Variants in HSPG2 observed in about 807,000 individuals in gnomAD.
HSPG2 encodes the protein heparan sulfate proteoglycan 2.
In HSPG2, 278 loss-of-function variants were observed where a neutral mutation model predicts 526.6. The observed-to-expected ratio is 0.53, with a 90% confidence interval of 0.48 to 0.58. The LOEUF (loss-of-function observed/expected upper bound fraction) is 0.58, where lower values mean the gene tolerates loss of function less well. HSPG2 is among the 20% of genes least tolerant of loss of function. HSPG2 has a pLI of 0.00. For synonymous variants in HSPG2, 2,465 were observed against 2,555.4 expected (o/e 0.96, Z 1.07); for missense variants, 5,354 against 6,099.5 (o/e 0.88, Z 4.07).
chr1:21,863,143 C>T (rs1270741773), intron 37 of HSPG2, among the ~76,000 whole-genome samples: 10 of 144,368 alleles, frequency 6.9e-5, no homozygotes, highest in Admixed American at 7.0e-5. Context: ...GAGGCCAAGG[C>T]GGGTGGATCA....
chr1:21,901,555 C>G (rs912123747), intron 1 of HSPG2, among the ~76,000 whole-genome samples: 2 of 152,188 alleles, frequency 1.3e-5, no homozygotes, highest in East Asian at 3.9e-4. Flanking sequence ...TGGGACCAAC[C>G]CAGGGCTTTG....
intron 9 of HSPG2, among the ~76,000 whole-genome samples, chr1:21,886,755 T>C (rs1641924489): frequency 6.6e-6 from 1 of 151,952 alleles, no homozygotes; most frequent in South Asian, 2.1e-4. Flanking sequence ...GGATAATGGG[T>C]GTATAGGTGG....
At position 21,880,540 on chromosome 1, in the gene HSPG2, G is replaced by C; in HGVS notation, c.2018C>G (p.Ser673Cys). The C allele has an allele frequency of 6.2e-7, 1 of 1,613,576 alleles. No homozygotes were observed. The highest frequency in any genetic ancestry group is 8.5e-7 in the Non-Finnish European group (1 of 1,179,962). Residue 673 changes from serine (S) to cysteine (C), a missense_variant, in exon 16 of 97, where the codon TCT becomes TGT. Physicochemically the swap from Ser to Cys is moderately radical, Grantham distance 112. Transcript: ENST00000374695. Reference protein sequence around the residue: ...QFSEEHWVHESGRPVQRAELL... With the variant: ...QFSEEHWVHECGRPVQRAELL... ...CTCCGCGCGCTGCACCGGCCGGCCA[G>C]ACTCATGGACCCAGTGCTCCTGGGT... is the stretch of plus-strand genomic sequence containing the variant.
chr1:21,861,292 AG>A (rs1471888901), intron 39 of HSPG2, among the ~76,000 whole-genome samples: 1 of 152,202 alleles, frequency 6.6e-6, no homozygotes, highest in Non-Finnish European at 1.5e-5. Flanking sequence ...GAAGTTAGCC[AG>A]GAACGGGTGG....
At position 21,864,086 on chromosome 1, in the gene HSPG2, C is replaced by G. The variant is rs370407461; in HGVS notation, c.4740+14G>C. 6.5e-7 allele frequency: 1 copy of G among 1,544,968 alleles called. No individual in the cohort carries two copies. The highest frequency in any genetic ancestry group is 1.2e-5 in the South Asian group (1 of 83,936). ...CTGAGCTGACCCCCTGTCCTGGCCT[C>G]GCTTGCAGCTCACCGAGCAGGCCCC... is the stretch of plus-strand genomic sequence containing the variant. On this transcript the variant is annotated intron_variant, in intron 37 of 96. Transcript: ENST00000374695. This position sits in a 1 kb window ranked among gnomAD's most constrained non-coding sequence, Gnocchi z 4.8.
chr1:21,877,059 C>CAAAAAAAAAAAAAAAA (rs3077630), intron 21 of HSPG2, among the ~76,000 whole-genome samples: 2 of 103,148 alleles, frequency 1.9e-5, no homozygotes, highest in African/African-American at 3.9e-5. Flanking sequence ...GACTCCATCT[C>CAAAAAAAAAAAAAAAA]AAAAAAAAAA....
chr1:21,872,972 C>T lies in HSPG2; in HGVS notation c.3888+25G>A, dbSNP rs751412940. On this transcript the variant is annotated intron_variant, in intron 31 of 96. Coordinates refer to ENST00000374695, the MANE Select transcript of HSPG2 (RefSeq NM_005529.7). The surrounding 1 kb of genome is among the most constrained non-coding windows in gnomAD (Gnocchi z 5.5). Reference sequence around the variant, plus strand: ...CTGGGCAGCGGGGCAGAGCAGGCCCCGCAGGGACAGGGATTCGGACTGACC... The same window carrying T: ...CTGGGCAGCGGGGCAGAGCAGGCCCTGCAGGGACAGGGATTCGGACTGACC... 3.7e-5 allele frequency: 60 copies of T among 1,600,532 alleles called. No homozygotes were observed. In the South Asian group the frequency reaches 5.4e-4, roughly 14 times the overall value.
intron 3 of HSPG2, among the ~76,000 whole-genome samples, chr1:21,891,148 G>A (rs1180048036): frequency 6.6e-6 from 1 of 152,224 alleles, no homozygotes; most frequent in Admixed American, 6.5e-5. Flanking sequence ...GGCTGGGGTA[G>A]AGACCGCTCC....
Position 21,857,092 on chromosome 1 carries a change from C to T in HSPG2, c.5498G>A (p.Ser1833Asn). 6.2e-7 allele frequency: 1 copy of T among 1,614,184 alleles called. No individual in the cohort carries two copies. The highest frequency in any genetic ancestry group is 8.5e-7 in the Non-Finnish European group (1 of 1,180,036). ...GGTGCACACGTAGGTGCCTGCATCA[C>T]TCAGCTGGACGTTGCGAATGGTCAG... ...GILTIRNVQL[S>N]DAGTYVCTGS... The change falls in exon 44 of 97, where the codon AGT becomes AAT. Residue 1833 changes from serine (S) to asparagine (N), a missense_variant. Coordinates refer to ENST00000374695, the MANE Select transcript of HSPG2 (RefSeq NM_005529.7).
chr1:21,911,150 C>T (rs1257166603), intron 1 of HSPG2, among the ~76,000 whole-genome samples: 2 of 152,230 alleles, frequency 1.3e-5, no homozygotes, highest in African/African-American at 2.4e-5. Flanking sequence ...GCATGAATTC[C>T]TCTTCTTCAG....
intron 6 of HSPG2, among the ~76,000 whole-genome samples, chr1:21,889,530 G>GTCTAGAAGGAAGGAGCAGA (rs1642193452): frequency 5.0e-4 from 76 of 152,214 alleles, no homozygotes; most frequent in African/African-American, 1.8e-3. Context: ...TCTGATTCTG[G>GTCTAGAAGGAAGGAGCAGA]ACAAATTTAG....
intron 3 of HSPG2, among the ~76,000 whole-genome samples, chr1:21,892,629 C>T (rs549813025): frequency 1.4e-3 from 206 of 152,318 alleles, no homozygotes; most frequent in Non-Finnish European, 2.6e-3. Flanking sequence ...AATCCCAGCA[C>T]TTTGGGAGGC....
At chr1:21,873,333 T>G in intron 30 of HSPG2, 42 bp downstream of exon 30, 1 of 1,610,828 alleles carries the variant, frequency 6.2e-7, no homozygotes, top group African/African-American at 1.3e-5. Context: ...CCCTAGGGAC[T>G]CTGGGTAACC....
At chr1:21,889,847 G>T (rs779215050) in intron 6 of HSPG2, 134 bp downstream of exon 6, 13 of 897,132 alleles carry the variant, frequency 1.4e-5, no homozygotes, top group Middle Eastern at 4.4e-4. Context: ...AAAGATCGAT[G>T]GGGCAGACTC....
In HSPG2 at chr1:21,898,366, TCCTCTCCCTGC is replaced by T. The variant is rs2152775593; in HGVS notation, c.64-2067_64-2057del. Among the ~76,000 whole-genome samples, 1 of 152,330 alleles carries T rather than the reference TCCTCTCCCTGC, an allele frequency of 6.6e-6. No homozygotes were observed. The highest frequency in any genetic ancestry group is 1.9e-4 in the East Asian group (1 of 5,186). On this transcript the variant is annotated intron_variant, in intron 1 of 96. Transcript: ENST00000374695. This position sits in a 1 kb window ranked among gnomAD's most constrained non-coding sequence, Gnocchi z 4.0. ...GGCAAATGTTGCCTCCTGTTCCTTC[TCCTCTCCCTGC>T]CCTCTCCCTGTCCTCCTGAGTGCTG...
chr1:21,844,375 C>A, intron 64 of HSPG2, 76 bp from the exon 65 acceptor site: 1 of 1,504,856 alleles, frequency 6.6e-7, no homozygotes. Context: ...GGCCCAGATA[C>A]TAGGACCAGA....
intron 1 of HSPG2, among the ~76,000 whole-genome samples, chr1:21,901,005 T>C (rs1643070568): frequency 6.6e-6 from 1 of 152,174 alleles, no homozygotes; most frequent in South Asian, 2.1e-4. Flanking sequence ...GTAGCAATAT[T>C]ACCGTTGTTT....
At position 21,839,657 on chromosome 1, in the gene HSPG2, G is replaced by T; in HGVS notation, c.9710-107C>A. 1 of 1,436,004 alleles carries T rather than the reference G, an allele frequency of 7.0e-7. No homozygotes were observed. Among genetic ancestry groups the T allele is most frequent in the South Asian group, 1.2e-5 (1 of 83,472 alleles). The allele number at this position is 1,436,004 out of a possible 1,614,324, so 89.0% of individuals were successfully genotyped here. Reference sequence around the variant, plus strand: ...CTGGGTGATCCTGTCCCTCTATGGGGACCCCAGTTGGGTTCCTCGGCCATC... The same window carrying T: ...CTGGGTGATCCTGTCCCTCTATGGGTACCCCAGTTGGGTTCCTCGGCCATC... On this transcript the variant is annotated intron_variant, in intron 72 of 96. Coordinates refer to ENST00000374695, the MANE Select transcript of HSPG2 (RefSeq NM_005529.7). This position sits in a 1 kb window ranked among gnomAD's most constrained non-coding sequence, Gnocchi z 4.5.
rs71636998 is a variant in HSPG2, at chr1:21,895,417, C to G, written c.244+505G>C. Among the ~76,000 whole-genome samples, 2 of 152,126 alleles carry G rather than the reference C, an allele frequency of 1.3e-5. No homozygotes were observed. The highest frequency in any genetic ancestry group is 2.9e-5 in the Non-Finnish European group (2 of 67,986). Reference sequence around the variant, plus strand: ...AAGCTAGGAACCCTTGCTTCCCAGCCGATGACCCACCTTAAGGCAAGGTTC... The same window carrying G: ...AAGCTAGGAACCCTTGCTTCCCAGCGGATGACCCACCTTAAGGCAAGGTTC... On this transcript the variant is annotated intron_variant, in intron 3 of 96. Transcript: ENST00000374695. This position sits in a 1 kb window ranked among gnomAD's most constrained non-coding sequence, Gnocchi z 4.1.
Sources: allele counts gnomAD v4.1 joint callset (sites outside exome capture counted in the v4.1 genomes callset), GRCh38; gene constraint gnomAD v4.1.1; non-coding constraint Gnocchi (gnomAD v3.1); transcripts MANE v1.5; gene names NCBI Gene and HGNC (gene_info 2026-07-23, HGNC 2026-07-21).